Variants in LRR1 observed in about 807,000 individuals in gnomAD.
LRR1 encodes the protein leucine rich repeat protein 1.
A neutral mutation model predicts 31.6 loss-of-function variants in LRR1; 29 were observed. That is an observed-to-expected ratio of 0.92 (90% CI 0.68 to 1.25). LRR1 has a LOEUF of 1.25. LRR1 is among the 50% of genes most tolerant of loss of function. LRR1 has a pLI of 0.00. For missense variants in LRR1, 485 were observed against 487.2 expected (o/e 1.00, Z 0.04); for synonymous variants, 179 against 181.4 (o/e 0.99, Z 0.10).
chr14:49,600,092 C>G (rs1458558765), intron 1 of LRR1: 1 of 1,596,340 alleles, frequency 6.3e-7, no homozygotes, highest in African/African-American at 1.3e-5. Context: ...CCAACGACGC[C>G]TTCCCGGAGG....
chr14:49,599,402 C>T (rs1041616508), intron 1 of LRR1, among the ~76,000 whole-genome samples, 199 bp downstream of exon 1: 1 of 152,200 alleles, frequency 6.6e-6, no homozygotes, highest in Non-Finnish European at 1.5e-5. Flanking sequence ...AAGAAGAAAG[C>T]TTTGAGAGTG....
intron 1 of LRR1, chr14:49,600,590 A>G: frequency 6.4e-7 from 1 of 1,560,430 alleles, no homozygotes; most frequent in Middle Eastern, 2.4e-4. Flanking sequence ...ATCAAGATGT[A>G]TAAACTGTTG....
chr14:49,614,041 T>C (rs781636107), intron 3 of LRR1, among the ~76,000 whole-genome samples: 1 of 152,174 alleles, frequency 6.6e-6, no homozygotes, highest in African/African-American at 2.4e-5. Flanking sequence ...TTTCATTCCA[T>C]TTAGGGAGTT....
Position 49,599,076 on chromosome 14 carries a change from T to C in LRR1, c.56T>C (p.Leu19Pro). 2 of 1,609,620 alleles carry C rather than the reference T, an allele frequency of 1.2e-6. No homozygotes were observed. Among genetic ancestry groups the C allele is most frequent in the South Asian group, 2.2e-5 (2 of 90,168 alleles). Residue 19 changes from leucine to proline, a missense_variant, in exon 1 of 4, where the codon CTT (leucine) becomes CCT (proline). Physicochemically the swap from Leu to Pro is moderately conservative, Grantham distance 98. This residue lies in a region of LRR1 where 260 missense variants were observed against 249.6 expected (regional missense o/e 1.04). Coordinates refer to ENST00000298288, the MANE Select transcript of LRR1 (RefSeq NM_152329.4). ...VISRHLPALG[L>P]RNRGKGVRAV... ...AGCCGGCACTTGCCCGCCTTGGGGC[T>C]TAGGAACCGGGGCAAGGGCGTCCGA...
Position 49,614,433 on chromosome 14 carries a change from A to C in LRR1, c.1182A>C (p.Ala394=). 2 of 1,613,956 alleles carry C rather than the reference A, an allele frequency of 1.2e-6. No individual in the cohort carries two copies. The highest frequency in any genetic ancestry group is 1.7e-6 in the Non-Finnish European group (2 of 1,179,906). The part of the protein sequence containing the change: ...VLVDNLGGTE[A]PIISYFCSLG... ...TAGATAATTTGGGTGGTACTGAAGC[A>C]CCTATTATCTCTTATTTCTGTTCTC... is the stretch of plus-strand genomic sequence containing the variant. Residue 394 remains alanine, a synonymous_variant, in exon 4 of 4, where the codon GCA becomes GCC. Coordinates refer to ENST00000298288, the MANE Select transcript of LRR1 (RefSeq NM_152329.4).
chr14:49,599,091 A>T lies in LRR1; in HGVS notation c.71A>T (p.Lys24Met). 1 of 1,607,524 alleles carries T rather than the reference A, an allele frequency of 6.2e-7. No individual in the cohort carries two copies. Among genetic ancestry groups the T allele is most frequent in the Non-Finnish European group, 8.5e-7 (1 of 1,177,400 alleles). Residue 24 changes from lysine (K) to methionine (M), a missense_variant, in exon 1 of 4, where the codon AAG becomes ATG. This residue lies in a region of LRR1 where 260 missense variants were observed against 249.6 expected (regional missense o/e 1.04). Coordinates refer to ENST00000298288, the MANE Select transcript of LRR1 (RefSeq NM_152329.4). ...GCCTTGGGGCTTAGGAACCGGGGCA[A>T]GGGCGTCCGAGCCGTGTTGAGCCTC... ...LPALGLRNRG[K>M]GVRAVLSLCQ...
At chr14:49,606,721 A>G (rs1882299011) in intron 2 of LRR1, among the ~76,000 whole-genome samples, 3 of 150,102 alleles carry the variant, frequency 2.0e-5, no homozygotes, top group African/African-American at 2.5e-5. Flanking sequence ...CAGTGGCACA[A>G]TCTCGGCTCA....
In LRR1 at chr14:49,607,955, G is replaced by A. The variant is rs1401398985; in HGVS notation, c.838G>A (p.Ala280Thr). ...QLINLRFLSA[A>T]RNKLPFLPSE... ...AATAAACCTTCGCTTTTTGTCAGCAGCTCGAAATAAGCTTCCATTTTTGCC... is the reference window on the plus strand; with the variant it reads ...AATAAACCTTCGCTTTTTGTCAGCAACTCGAAATAAGCTTCCATTTTTGCC... The change falls in exon 3 of 4, where the codon GCT becomes ACT. Residue 280 changes from alanine to threonine, a missense_variant. By Grantham distance (58) the Ala-to-Thr change is moderately conservative. Coordinates refer to ENST00000298288, the MANE Select transcript of LRR1 (RefSeq NM_152329.4). The A allele has an allele frequency of 6.8e-6, 11 of 1,613,850 alleles. No individual in the cohort carries two copies. Among genetic ancestry groups the A allele is most frequent in the Non-Finnish European group, 6.8e-6 (8 of 1,179,994 alleles).
At chr14:49,601,784 C>T in intron 1 of LRR1, 1 of 613,040 alleles carries the variant, frequency 1.6e-6, no homozygotes, top group Admixed American at 3.0e-5. Context: ...CATCCACCAC[C>T]AGCTAGATGA....
chr14:49,609,091 G>A (rs1882409687), intron 3 of LRR1, among the ~76,000 whole-genome samples: 1 of 141,410 alleles, frequency 7.1e-6, no homozygotes, highest in African/African-American at 2.7e-5. Flanking sequence ...TTTTTTTTTT[G>A]TATTTTTAGT....
rs1477118321 is a variant in LRR1, at chr14:49,607,651, C to T, written c.534C>T (p.Ser178=). Residue 178 remains serine (S), a synonymous_variant, in exon 3 of 4, where the codon AGC becomes AGT. Transcript: ENST00000298288. ...ATATGCGTATGCTTTGCTTAAAAAGCCTTAGGAAATTAGACTTGAGTCACA... is the reference window on the plus strand; with the variant it reads ...ATATGCGTATGCTTTGCTTAAAAAGTCTTAGGAAATTAGACTTGAGTCACA... ...RVDMRMLCLK[S]LRKLDLSHNH... The T allele has an allele frequency of 6.2e-7, 1 of 1,613,970 alleles. No homozygotes were observed. The highest frequency in any genetic ancestry group is 1.1e-5 in the South Asian group (1 of 91,054).
In LRR1 at chr14:49,614,356, C is replaced by G. The variant is rs200336496; in HGVS notation, c.1105C>G (p.Gln369Glu). 78 of 1,613,842 alleles carry G rather than the reference C, an allele frequency of 4.8e-5. No individual in the cohort carries two copies. The highest frequency in any genetic ancestry group is 1.2e-4 in the Admixed American group (7 of 59,976). Reference protein sequence around the residue: ...CGRFCLNSFIQGTTTMNLHSV... With the variant: ...CGRFCLNSFIEGTTTMNLHSV... ...AAGATTCTGTCTGAACTCTTTCATT[C>G]AAGGAACTACTACCATGAATCTGCA... is the stretch of plus-strand genomic sequence containing the variant. Residue 369 changes from glutamine (Q) to glutamate (E), a missense_variant, in exon 4 of 4, where the codon CAA (glutamine) becomes GAA (glutamate). Gln to Glu is a conservative substitution (Grantham distance 29). This residue lies in a region of LRR1 where 210 missense variants were observed against 200.4 expected (regional missense o/e 1.05). Coordinates refer to ENST00000298288, the MANE Select transcript of LRR1 (RefSeq NM_152329.4).
At position 49,602,404 on chromosome 14, in the gene LRR1, T is replaced by C; in HGVS notation, c.218T>C (p.Phe73Ser). 6.2e-7 allele frequency: 1 copy of C among 1,613,910 alleles called. No homozygotes were observed. The highest frequency in any genetic ancestry group is 1.1e-5 in the South Asian group (1 of 91,072). Residue 73 changes from phenylalanine (F) to serine (S), a missense_variant, in exon 2 of 4, where the codon TTT becomes TCT. Physicochemically the swap from Phe to Ser is radical, Grantham distance 155. Coordinates refer to ENST00000298288, the MANE Select transcript of LRR1 (RefSeq NM_152329.4). The part of the protein sequence containing the change: ...RENIEQFFTK[F>S]VDEGKATVRL... ...AACATTGAGCAATTCTTCACCAAAT[T>C]TGTAGATGAGGGGAAAGCCACTGTT...
Position 49,607,959 on chromosome 14 carries a change from G to T in LRR1, c.842G>T (p.Arg281Leu). 1.2e-6 allele frequency: 2 copies of T among 1,614,052 alleles called. No homozygotes were observed. The highest frequency in any genetic ancestry group is 1.7e-5 in the Admixed American group (1 of 59,988). The change falls in exon 3 of 4, where the codon CGA becomes CTA. Residue 281 changes from arginine (R) to leucine (L), a missense_variant. Transcript: ENST00000298288. ...LINLRFLSAA[R>L]NKLPFLPSEF... Reference sequence around the variant, plus strand: ...AACCTTCGCTTTTTGTCAGCAGCTCGAAATAAGCTTCCATTTTTGCCTAGT... The same window carrying T: ...AACCTTCGCTTTTTGTCAGCAGCTCTAAATAAGCTTCCATTTTTGCCTAGT...
At chr14:49,602,029 AG>A (rs1882077434) in intron 1 of LRR1, among the ~76,000 whole-genome samples, 1 of 150,296 alleles carries the variant, frequency 6.7e-6, no homozygotes, top group Admixed American at 6.7e-5. Flanking sequence ...GCTACTCAGG[AG>A]GCTGAGTCAT....
chr14:49,612,757 G>A (rs912520816), intron 3 of LRR1: 1 of 536,406 alleles, frequency 1.9e-6, no homozygotes, highest in Non-Finnish European at 2.5e-6. Context: ...TTATGTGCCA[G>A]CCTAAGCTAG....
At chr14:49,606,803 T>G (rs527922746) in intron 2 of LRR1, among the ~76,000 whole-genome samples, 20 of 151,490 alleles carry the variant, frequency 1.3e-4, no homozygotes, top group Non-Finnish European at 2.5e-4. Context: ...ATTACAGGCA[T>G]GCACTACCAC....
chr14:49,613,333 C>T (rs1281036064), intron 3 of LRR1, among the ~76,000 whole-genome samples: 1 of 136,116 alleles, frequency 7.3e-6, no homozygotes, highest in African/African-American at 2.8e-5. Flanking sequence ...AGCGAGACTC[C>T]ATCTCAAAAA....
intron 3 of LRR1, among the ~76,000 whole-genome samples, chr14:49,612,150 G>C (rs1882537066): frequency 1.3e-5 from 2 of 152,168 alleles, no homozygotes; most frequent in South Asian, 4.1e-4. Flanking sequence ...CAATTTGGCA[G>C]AATAGTAATT....
Sources: allele counts gnomAD v4.1 joint callset (sites outside exome capture counted in the v4.1 genomes callset), GRCh38; gene constraint gnomAD v4.1.1; regional missense constraint gnomAD v4.1.1; transcripts MANE v1.5; gene names NCBI Gene and HGNC (gene_info 2026-07-23, HGNC 2026-07-21).